SOX5: variants seen among roughly 807,000 people sequenced by gnomAD.
SOX5 encodes transcription factor SOX-5.
A neutral mutation model predicts 92.0 loss-of-function variants in SOX5; 9 were observed. The observed-to-expected ratio is 0.10, with a 90% CI of 0.06 to 0.17. The LOEUF is 0.17. Among genes scored for constraint, SOX5 ranks in the 10% least tolerant of loss-of-function variants. The probability of loss-of-function intolerance (pLI) is 1.00; values close to 1 mark genes in which losing one functional copy is unlikely to be tolerated. For synonymous variants in SOX5, 344 were observed against 336.3 expected (o/e 1.02, Z -0.25); for missense variants, 642 against 944.5 (o/e 0.68, Z 4.20).
At chr12:23,740,666 A>T (rs1468634366) in intron 5 of SOX5, among the ~76,000 whole-genome samples, 1 of 152,176 alleles carries the variant, frequency 6.6e-6, no homozygotes, top group East Asian at 1.9e-4. Flanking sequence ...TTACCACCAA[A>T]GTAGTTAATA....
intron 4 of SOX5, among the ~76,000 whole-genome samples, chr12:24,152,011 A>G (rs1054229445): frequency 6.6e-6 from 1 of 152,156 alleles, no homozygotes; most frequent in South Asian, 2.1e-4. Flanking sequence ...TGAATTCATT[A>G]AAAAGTATTC....
At chr12:24,402,837 T>A (rs768664942) in intron 1 of SOX5, among the ~76,000 whole-genome samples, 9 of 152,222 alleles carry the variant, frequency 5.9e-5, no homozygotes, top group Non-Finnish European at 1.2e-4. Flanking sequence ...AAGCTTCGTT[T>A]ATTTAAGCTT....
intron 3 of SOX5, among the ~76,000 whole-genome samples, chr12:24,217,968 G>C (rs950973246): frequency 6.6e-6 from 1 of 152,150 alleles, no homozygotes; most frequent in Admixed American, 6.5e-5. Flanking sequence ...AAACAAGACA[G>C]ATAATTACAA....
intron 4 of SOX5, among the ~76,000 whole-genome samples, chr12:24,203,681 C>T (rs1010855928): frequency 1.3e-5 from 2 of 152,092 alleles, no homozygotes; most frequent in African/African-American, 4.8e-5. Context: ...TTAATCTCAC[C>T]CCTGTAAAAA....
intron 4 of SOX5, among the ~76,000 whole-genome samples, chr12:23,752,955 C>A (rs991129587): frequency 6.6e-6 from 1 of 151,716 alleles, no homozygotes; most frequent in African/African-American, 2.4e-5. Flanking sequence ...TTCCAAAGTA[C>A]CAGAGCATAA....
chr12:23,679,331 A>G (rs1264756903), intron 6 of SOX5, among the ~76,000 whole-genome samples: 1 of 152,178 alleles, frequency 6.6e-6, no homozygotes, highest in African/African-American at 2.4e-5. Context: ...AAATCTGGCA[A>G]TTAAGGTGAG....
chr12:24,507,311 G>A (rs1566340567), intron 1 of SOX5, among the ~76,000 whole-genome samples: 1 of 151,812 alleles, frequency 6.6e-6, no homozygotes, highest in Non-Finnish European at 1.5e-5. Flanking sequence ...TAGGTAGGTA[G>A]ATGGATGGAT....
chr12:23,666,768 C>T (rs551896438), intron 6 of SOX5, among the ~76,000 whole-genome samples: 8 of 152,056 alleles, frequency 5.3e-5, no homozygotes, highest in Non-Finnish European at 1.2e-4. Flanking sequence ...ATCTATGAAG[C>T]CTTGATTATA....
intron 6 of SOX5, among the ~76,000 whole-genome samples, chr12:23,712,488 A>C (rs2092144521): frequency 6.6e-6 from 1 of 152,222 alleles, no homozygotes; most frequent in Non-Finnish European, 1.5e-5. Flanking sequence ...CAAACCCAGC[A>C]GCCAGGTTTA....
At chr12:24,082,842 A>C (rs1417301887) in intron 4 of SOX5, among the ~76,000 whole-genome samples, 2 of 151,836 alleles carry the variant, frequency 1.3e-5, no homozygotes, top group East Asian at 3.9e-4. Context: ...ATACTTTATA[A>C]ATTCTTCATT....
chr12:23,973,646 G>C (rs557327756), intron 4 of SOX5, among the ~76,000 whole-genome samples: 1 of 152,184 alleles, frequency 6.6e-6, no homozygotes, highest in South Asian at 2.1e-4. Context: ...TGCCTGAAAC[G>C]TCTGATATAC....
intron 4 of SOX5, among the ~76,000 whole-genome samples, chr12:24,060,784 T>A (rs1939529097): frequency 1.3e-5 from 2 of 152,184 alleles, no homozygotes; most frequent in African/African-American, 4.8e-5. Flanking sequence ...AATTTTAGGA[T>A]ATGGATTGGA....
intron 1 of SOX5, among the ~76,000 whole-genome samples, chr12:24,434,498 T>C (rs1939020778): frequency 2.6e-5 from 4 of 152,048 alleles, no homozygotes. Context: ...ACTCCTAAAG[T>C]TTTAGTCTGT....
chr12:23,950,885 A>G, upstream of SOX5: 1 of 1,535,286 alleles, frequency 6.5e-7, no homozygotes. Context: ...ATGCATGCAG[A>G]GATGGTGGCT....
At chr12:23,559,427 C>A (rs1381082372) in intron 11 of SOX5, among the ~76,000 whole-genome samples, 1 of 152,062 alleles carries the variant, frequency 6.6e-6, no homozygotes, top group Admixed American at 6.5e-5. Context: ...TTCCAAGAAA[C>A]CTGACACATA....
At chr12:23,948,270 A>G (rs1362250922) in intron 1 of SOX5, among the ~76,000 whole-genome samples, 1 of 151,806 alleles carries the variant, frequency 6.6e-6, no homozygotes, top group African/African-American at 2.4e-5. Context: ...GCACCGAAGT[A>G]TATGTGTTGG....
intron 4 of SOX5, among the ~76,000 whole-genome samples, chr12:24,198,827 C>A (rs953836725): frequency 5.3e-5 from 8 of 152,118 alleles, no homozygotes; most frequent in Non-Finnish European, 1.0e-4. Flanking sequence ...TCCTGCAGGG[C>A]AAATGTAGAG....
intron 3 of SOX5, among the ~76,000 whole-genome samples, chr12:23,844,312 A>G (rs986327195): frequency 1.6e-4 from 24 of 152,190 alleles, no homozygotes; most frequent in African/African-American, 5.6e-4. Flanking sequence ...TTGCTTTTGT[A>G]CCATCTTAAA....
intron 6 of SOX5, among the ~76,000 whole-genome samples, chr12:23,687,292 G>T (rs897544524): frequency 6.6e-6 from 1 of 151,942 alleles, no homozygotes; most frequent in Non-Finnish European, 1.5e-5. Flanking sequence ...TGAAATGCAC[G>T]CTGATGTCCA....
Sources: allele counts gnomAD v4.1 joint callset (sites outside exome capture counted in the v4.1 genomes callset), GRCh38; gene constraint gnomAD v4.1.1; transcripts MANE v1.5; gene names NCBI Gene and HGNC (gene_info 2026-07-23, HGNC 2026-07-21).